The following CFAP299 variants were observed in gnomAD, a reference collection of about 807,000 sequenced individuals.
CFAP299 encodes the protein cilia- and flagella-associated protein 299.
Under a neutral mutation model 27.0 loss-of-function variants are expected in CFAP299, and 21 were observed. The observed-to-expected ratio is 0.78, with a 90% CI of 0.55 to 1.12. CFAP299 has a LOEUF of 1.12. CFAP299 is among the 50% of genes most tolerant of loss of function. The probability of loss-of-function intolerance (pLI) is 0.00; values close to 1 mark genes in which losing one functional copy is unlikely to be tolerated. For missense variants in CFAP299, 310 were observed against 276.6 expected (o/e 1.12, Z -0.86); for synonymous variants, 104 against 98.1 (o/e 1.06, Z -0.36).
chr4:80,341,474 A>G (rs1343794043), intron 1 of CFAP299, among the ~76,000 whole-genome samples: 1 of 152,118 alleles, frequency 6.6e-6, no homozygotes, highest in African/African-American at 2.4e-5. Context: ...GAGCTCCCGG[A>G]GGAAGGAGAA....
At chr4:80,801,842 A>T (rs1578141015) in intron 3 of CFAP299, among the ~76,000 whole-genome samples, 2 of 152,140 alleles carry the variant, frequency 1.3e-5, no homozygotes, top group Non-Finnish European at 2.9e-5. Context: ...CATTTTGCCC[A>T]ACGCACTCTG....
chr4:80,713,092 A>C (rs1722269568), intron 3 of CFAP299, among the ~76,000 whole-genome samples: 1 of 152,186 alleles, frequency 6.6e-6, no homozygotes, highest in African/African-American at 2.4e-5. Context: ...GTAGGAGTTA[A>C]CCTAATAGAC....
intron 1 of CFAP299, among the ~76,000 whole-genome samples, chr4:80,360,588 G>A (rs572326813): frequency 6.6e-6 from 1 of 152,266 alleles, no homozygotes; most frequent in East Asian, 1.9e-4. Context: ...CAACAATAAT[G>A]TATTACTATT....
intron 2 of CFAP299, among the ~76,000 whole-genome samples, chr4:80,495,716 T>C (rs138315257): frequency 1.3e-4 from 20 of 152,330 alleles, no homozygotes; most frequent in African/African-American, 4.1e-4. Context: ...ACCGGGCAAT[T>C]TATACAGAGA....
chr4:80,959,838 G>A (rs746487343), intron 5 of CFAP299, among the ~76,000 whole-genome samples: 9 of 151,628 alleles, frequency 5.9e-5, no homozygotes, highest in Non-Finnish European at 8.9e-5. Flanking sequence ...AATAATAGAG[G>A]ACATTTGGAC....
chr4:80,634,371 A>G (rs1314843742), intron 3 of CFAP299, among the ~76,000 whole-genome samples: 1 of 152,118 alleles, frequency 6.6e-6, no homozygotes, highest in Non-Finnish European at 1.5e-5. Flanking sequence ...TCCGTTGCCA[A>G]CTTCTTCGGC....
intron 2 of CFAP299, among the ~76,000 whole-genome samples, chr4:80,392,574 C>T (rs1466272688): frequency 3.3e-5 from 5 of 152,102 alleles, no homozygotes; most frequent in Admixed American, 2.6e-4. Context: ...TCACTTGACA[C>T]TTCTCCTTGC....
chr4:80,570,478 G>T (rs1220528927), intron 2 of CFAP299, among the ~76,000 whole-genome samples: 2 of 151,982 alleles, frequency 1.3e-5, no homozygotes, highest in South Asian at 2.1e-4. Flanking sequence ...TGAGCATTTT[G>T]CATGAGAGGA....
intron 2 of CFAP299, among the ~76,000 whole-genome samples, chr4:80,536,741 C>A (rs1269924361): frequency 2.0e-5 from 3 of 152,056 alleles, no homozygotes; most frequent in African/African-American, 4.8e-5. Context: ...AAATTTGAGA[C>A]CTGTAACCAT....
the CFAP299 span, among the ~76,000 whole-genome samples, chr4:80,326,571 G>A: frequency 6.6e-6 from 1 of 152,146 alleles, no homozygotes; most frequent in East Asian, 1.9e-4. Context: ...AGATTTTTAT[G>A]CCAGAATGGC....
At chr4:80,492,019 T>C (rs1731160765) in intron 2 of CFAP299, among the ~76,000 whole-genome samples, 1 of 152,216 alleles carries the variant, frequency 6.6e-6, no homozygotes, top group Admixed American at 6.5e-5. Context: ...CTCCACAATC[T>C]GTATCTTATT....
intron 1 of CFAP299, among the ~76,000 whole-genome samples, chr4:80,336,293 A>G (rs544611081): frequency 6.6e-6 from 1 of 152,288 alleles, no homozygotes; most frequent in South Asian, 2.1e-4. Flanking sequence ...TATATTAAAG[A>G]ACAGAAGATG....
At chr4:80,615,856 T>A (rs1340842283) in intron 3 of CFAP299, among the ~76,000 whole-genome samples, 2 of 152,202 alleles carry the variant, frequency 1.3e-5, no homozygotes, top group Admixed American at 6.5e-5. Flanking sequence ...TTATTGATTG[T>A]GGCCCAAGAG....
intron 3 of CFAP299, among the ~76,000 whole-genome samples, chr4:80,693,622 C>A (rs1474278003): frequency 6.6e-6 from 1 of 151,006 alleles, no homozygotes; most frequent in Non-Finnish European, 1.5e-5. Flanking sequence ...GGTGCACCAG[C>A]ATGGCACATG....
intron 4 of CFAP299, among the ~76,000 whole-genome samples, chr4:80,901,399 T>A (rs1734887765): frequency 2.0e-5 from 3 of 152,114 alleles, no homozygotes; most frequent in Non-Finnish European, 4.4e-5. Flanking sequence ...AGCAGTGTAG[T>A]TATGCAATGG....
At chr4:80,497,652 T>G (rs1186393670) in intron 2 of CFAP299, among the ~76,000 whole-genome samples, 1 of 152,180 alleles carries the variant, frequency 6.6e-6, no homozygotes, top group African/African-American at 2.4e-5. Context: ...TTTTATATAC[T>G]ATTTAAAACT....
At chr4:80,602,565 G>A (rs1431440675) in intron 3 of CFAP299, among the ~76,000 whole-genome samples, 1 of 152,098 alleles carries the variant, frequency 6.6e-6, no homozygotes, top group Non-Finnish European at 1.5e-5. Flanking sequence ...AAGAATTCTA[G>A]CATAGAAATT....
chr4:80,458,931 C>T (rs960748292), intron 2 of CFAP299, among the ~76,000 whole-genome samples: 7 of 152,018 alleles, frequency 4.6e-5, no homozygotes, highest in African/African-American at 1.7e-4. Context: ...CTGGTTGAGA[C>T]AATTAAAGCT....
chr4:80,913,506 GTGTT>G (rs1479235336), intron 4 of CFAP299, among the ~76,000 whole-genome samples: 2 of 152,178 alleles, frequency 1.3e-5, no homozygotes, highest in Non-Finnish European at 2.9e-5. Flanking sequence ...GTTTGGAAGA[GTGTT>G]TGAGGAGAGA....
Sources: gnomAD v4.1 joint callset for allele counts (sites outside exome capture counted in the v4.1 genomes callset) on GRCh38, gnomAD v4.1.1 for gene constraint, MANE v1.5 for transcripts, NCBI Gene and HGNC (gene_info 2026-07-23, HGNC 2026-07-21) for gene names.